Variants in NUP160 observed in about 807,000 individuals in gnomAD.
The protein encoded by NUP160 is nuclear pore complex protein Nup160.
A neutral mutation model predicts 196.9 loss-of-function variants in NUP160; 94 were observed. That is an observed-to-expected ratio of 0.48 (90% CI 0.40 to 0.57). NUP160 has a LOEUF of 0.57. Ranked by LOEUF, NUP160 falls within the 20% of genes least tolerant of loss-of-function variation. The probability of loss-of-function intolerance (pLI) is 0.00; values close to 1 mark genes in which losing one functional copy is unlikely to be tolerated. For missense variants in NUP160, 1,638 were observed against 1,748.3 expected (o/e 0.94, Z 1.13); for synonymous variants, 605 against 619.7 (o/e 0.98, Z 0.35).
At chr11:47,809,256 CAAAAAAAA>C (rs35748617) in intron 17 of NUP160, among the ~76,000 whole-genome samples, 3 of 94,774 alleles carry the variant, frequency 3.2e-5, no homozygotes, top group African/African-American at 4.4e-5. Flanking sequence ...GAACTTGTCT[CAAAAAAAA>C]AAAAAAAAAA....
chr11:47,848,358 G>A lies in NUP160; in HGVS notation c.63C>T (p.Pro21=), dbSNP rs1208799717. 5.6e-6 allele frequency: 9 copies of A among 1,611,626 alleles called. No individual in the cohort carries two copies. Among genetic ancestry groups the A allele is most frequent in the Admixed American group, 1.7e-5 (1 of 59,864 alleles). The change falls in exon 1 of 36, where the codon CCC becomes CCT. Residue 21 remains proline, a synonymous_variant. Coordinates refer to ENST00000378460, the Ensembl canonical transcript of NUP160. The stretch of plus-strand genomic sequence containing the variant: ...CGCGACGCCCAACGGAACAAAGGCA[G>A]GGCCGCGCGGTCGCCGTCACTTCCG...
intron 2 of NUP160, among the ~76,000 whole-genome samples, chr11:47,844,163 T>C (rs1852357031): frequency 6.6e-6 from 1 of 152,200 alleles, no homozygotes; most frequent in South Asian, 2.1e-4. Flanking sequence ...CATTTCTCAC[T>C]GCCTCTGTCA....
intron 7 of NUP160, among the ~76,000 whole-genome samples, chr11:47,832,776 C>T (rs1375605419): frequency 6.6e-6 from 1 of 152,196 alleles, no homozygotes; most frequent in Non-Finnish European, 1.5e-5. Context: ...TATTCCAATT[C>T]CTGTCTTGAT....
At chr11:47,800,868 C>A (rs1397338509) in intron 23 of NUP160, among the ~76,000 whole-genome samples, 4 of 151,980 alleles carry the variant, frequency 2.6e-5, no homozygotes, top group Non-Finnish European at 5.9e-5. Flanking sequence ...GAAGTGTGCA[C>A]AACAGGATGA....
chr11:47,847,348 T>C (rs551257296), intron 2 of NUP160, among the ~76,000 whole-genome samples: 9 of 152,296 alleles, frequency 5.9e-5, no homozygotes, highest in African/African-American at 2.2e-4. Flanking sequence ...ATAACCCGTA[T>C]ATTTTTCCTC....
At chr11:47,832,147 G>T (rs1214059468) in intron 7 of NUP160, among the ~76,000 whole-genome samples, 1 of 151,948 alleles carries the variant, frequency 6.6e-6, no homozygotes, top group South Asian at 2.1e-4. Context: ...TGATCCGCCT[G>T]CCTCAGCCTC....
At chr11:47,813,513 G>A in intron 13 of NUP160, 98 bp from the exon 14 acceptor site, 1 of 718,178 alleles carries the variant, frequency 1.4e-6, no homozygotes, top group Admixed American at 2.2e-5. Flanking sequence ...AACCCAAGTT[G>A]CAATACACTC....
At chr11:47,796,352 A>G (rs1244769204) in intron 27 of NUP160, 2 of 634,228 alleles carry the variant, frequency 3.2e-6, no homozygotes, top group Non-Finnish European at 5.7e-6. Flanking sequence ...TGCCCTGACA[A>G]ATGGAATTTA....
At position 47,821,460 on chromosome 11, in the gene NUP160, C is replaced by T. The variant is rs187349685; in HGVS notation, c.1277+264G>A. 676 of 331,304 alleles carry T rather than the reference C, an allele frequency of 2.0e-3. 2 individuals are homozygous for T. Among genetic ancestry groups the T allele is most frequent in the South Asian group, 5.1e-3 (100 of 19,658 alleles). 20.5% of individuals were successfully genotyped at this position (331,304 alleles called of 1,614,324 possible). A position where few individuals can be genotyped will look rare whatever the true frequency, so the allele number is the denominator to read the frequency against. ...GCAATCTCCGCCTCCTGGGTTCAAG[C>T]GATTCTCATGCTACAGCCTTGCCTC... On this transcript the variant is annotated intron_variant, in intron 9 of 35. Transcript: ENST00000378460.
chr11:47,815,409 T>G lies in NUP160; in HGVS notation c.1686+70A>C, dbSNP rs2097683823. On this transcript the variant is annotated intron_variant, in intron 13 of 35. Coordinates refer to ENST00000378460, the Ensembl canonical transcript of NUP160. ...AAGAGCCACTGAACTTTTTGTTTTC[T>G]GAAGGCATTTTGTTATAACAGCCAC... 8 of 1,285,812 alleles carry G rather than the reference T, an allele frequency of 6.2e-6. 1 individual carries two copies. In the Admixed American group the frequency reaches 2.2e-4, roughly 36 times the overall value. 79.7% of individuals were successfully genotyped at this position (1,285,812 alleles called of 1,614,324 possible).
At chr11:47,820,840 G>A (rs1055361088) in intron 9 of NUP160, among the ~76,000 whole-genome samples, 2 of 152,022 alleles carry the variant, frequency 1.3e-5, no homozygotes, top group Admixed American at 1.3e-4. Flanking sequence ...ATGAGCCACC[G>A]CACCTGGCCA....
chr11:47,791,991 C>T lies in NUP160; in HGVS notation c.3451-1G>A. ...TAGGGGATGCTCCAGGGCGATCATA[C>T]TGATAAAACAAAACAAGCAATTTAA... On this transcript the variant is annotated splice_acceptor_variant, in intron 28 of 35. Transcript: ENST00000378460. LOFTEE classifies it high-confidence loss of function. 6.9e-6 allele frequency: 11 copies of T among 1,603,914 alleles called. No individual in the cohort carries two copies. The highest frequency in any genetic ancestry group is 9.4e-6 in the Non-Finnish European group (11 of 1,174,836).
At chr11:47,783,078 T>A (rs1389022424) in exon 34 of NUP160, 1 of 1,613,236 alleles carries the variant, frequency 6.2e-7, no homozygotes, top group Admixed American at 1.7e-5. Flanking sequence ...CCTACCTCAA[T>A]TCCGAAGTAT....
intron 4 of NUP160, 95 bp from the exon 5 acceptor site, chr11:47,837,718 A>G: frequency 1.2e-6 from 1 of 854,032 alleles, no homozygotes; most frequent in South Asian, 1.4e-5. Context: ...AATAGGCAAC[A>G]GACTTCCGTA....
Position 47,837,175 on chromosome 11 carries a change from A to G in NUP160, c.828-174T>C, listed in dbSNP as rs139246911. Among the ~76,000 whole-genome samples the G allele has an allele frequency of 1.7e-3, 260 of 152,350 alleles. 1 individual carries two copies. Among genetic ancestry groups the G allele is most frequent in the Non-Finnish European group, 3.1e-3 (210 of 68,036 alleles). ...TCTATTTGGTTTATCGCCAATTACT[A>G]TAATAAAATTTAAAAGGCTCTACAT... On this transcript the variant is annotated intron_variant, in intron 5 of 35. Coordinates refer to ENST00000378460, the Ensembl canonical transcript of NUP160.
exon 1 of NUP160, chr11:47,848,423 C>G (rs759926931): frequency 1.6e-5 from 25 of 1,554,492 alleles, no homozygotes; most frequent in Admixed American, 1.2e-4. Flanking sequence ...TGAAGCATTC[C>G]GGGAGCAGAA....
rs1308997039 is a variant in NUP160 at position 47,793,744 on chromosome 11, T to G, written c.3290-798A>C. On this transcript the variant is annotated intron_variant, in intron 27 of 35. Transcript: ENST00000378460. Reference sequence around the variant, plus strand: ...TCTGTTTTTTTTTTTTTTTTTTTTTTTTTTTTTTTTTTTGAGACGGAGTTT... The same window carrying G: ...TCTGTTTTTTTTTTTTTTTTTTTTTGTTTTTTTTTTTTTGAGACGGAGTTT... 1.8e-4 allele frequency among the ~76,000 whole-genome samples: 25 copies of G among 140,204 alleles called. 1 individual carries two copies. Among genetic ancestry groups the G allele is most frequent in the South Asian group, 1.2e-3 (5 of 4,234 alleles). 92.0% of individuals were successfully genotyped at this position (140,204 alleles called of 152,430 possible). A position where few individuals can be genotyped will look rare whatever the true frequency, so the allele number is the denominator to read the frequency against.
chr11:47,818,875 AT>A (rs1369110455), intron 10 of NUP160, among the ~76,000 whole-genome samples: 1 of 152,172 alleles, frequency 6.6e-6, no homozygotes. Flanking sequence ...GTGCAGTAAT[AT>A]TCAATTTAAG....
intron 33 of NUP160, among the ~76,000 whole-genome samples, chr11:47,783,400 A>G (rs964438995): frequency 2.0e-4 from 31 of 152,178 alleles, no homozygotes; most frequent in African/African-American, 6.8e-4. Context: ...TAAATCCCTA[A>G]GAGCCGTTAC....
Sources: allele counts gnomAD v4.1 joint callset (sites outside exome capture counted in the v4.1 genomes callset), GRCh38; gene constraint gnomAD v4.1.1; transcripts MANE v1.5; gene names NCBI Gene and HGNC (gene_info 2026-07-23, HGNC 2026-07-21).